Variants in ARFGEF1 observed in about 807,000 individuals in gnomAD.
ARFGEF1 encodes brefeldin A-inhibited guanine nucleotide-exchange protein 1.
In ARFGEF1, 42 loss-of-function variants were observed where a neutral mutation model predicts 231.0. That is an observed-to-expected ratio of 0.18 (90% CI 0.14 to 0.24). The LOEUF (loss-of-function observed/expected upper bound fraction) is 0.24, where lower values mean the gene tolerates loss of function less well. Ranked by LOEUF, ARFGEF1 falls within the 10% of genes least tolerant of loss-of-function variation. The pLI is 1.00. For missense variants in ARFGEF1, 1,345 were observed against 2,192.0 expected, an observed-to-expected ratio of 0.61 and a Z score of 7.72; for synonymous variants, 710 against 732.3, an observed-to-expected ratio of 0.97 and a Z score of 0.49.
intron 19 of ARFGEF1, among the ~76,000 whole-genome samples, chr8:67,249,922 G>A (rs996739054): frequency 1.3e-5 from 2 of 152,180 alleles, no homozygotes; most frequent in South Asian, 4.1e-4. Context: ...GTGCCTAGCT[G>A]AGAGGGTGAT....
intron 14 of ARFGEF1, among the ~76,000 whole-genome samples, chr8:67,263,112 T>C (rs1014515308): frequency 2.0e-5 from 3 of 152,196 alleles, no homozygotes; most frequent in Non-Finnish European, 4.4e-5. Flanking sequence ...TCTGCTCCCA[T>C]ATATCATATC....
At position 67,343,368 on chromosome 8, in the gene ARFGEF1, G is replaced by T; in HGVS notation, c.-81C>A. The T allele has an allele frequency of 6.8e-7, 1 of 1,466,246 alleles. No homozygotes were observed. Among genetic ancestry groups the T allele is most frequent in the Non-Finnish European group, 9.2e-7 (1 of 1,092,746 alleles). The allele number at this position is 1,466,246 out of a possible 1,614,324, so 90.8% of individuals were successfully genotyped here. On this transcript the variant is annotated 5_prime_UTR_variant, in exon 1 of 39. Transcript: ENST00000262215. ...GGGAGGAGGAGGAGAGGAAGGAAGA[G>T]AAGAGAGAAAGGAGAGGGGGTGGAG...
chr8:67,290,455 T>C (rs181048119), intron 6 of ARFGEF1, among the ~76,000 whole-genome samples: 5 of 152,346 alleles, frequency 3.3e-5, no homozygotes, highest in African/African-American at 4.8e-5. Context: ...TTCCTAACTC[T>C]TCTCAGCAGA....
intron 5 of ARFGEF1, among the ~76,000 whole-genome samples, chr8:67,295,557 T>C (rs1806195830): frequency 1.3e-5 from 2 of 151,994 alleles, no homozygotes; most frequent in South Asian, 4.2e-4. Context: ...ACAAAATAAA[T>C]TATTAGTATC....
Position 67,321,098 on chromosome 8 carries a change from C to T in ARFGEF1, c.125-18632G>A, listed in dbSNP as rs191659477. On this transcript the variant is annotated intron_variant, in intron 1 of 38. Transcript: ENST00000262215. Reference sequence around the variant, plus strand: ...TTCCACATTTATGACATTCTTAAAACGACAGAGAACAGATCAGTGGTTGCC... The same window carrying T: ...TTCCACATTTATGACATTCTTAAAATGACAGAGAACAGATCAGTGGTTGCC... Among the ~76,000 whole-genome samples the T allele has an allele frequency of 9.5e-5, 14 of 147,248 alleles. No individual in the cohort carries two copies. The East Asian group carries it at 2.0e-3, about 21-fold the overall frequency.
chr8:67,252,164 C>T (rs920414171), intron 18 of ARFGEF1, among the ~76,000 whole-genome samples: 2 of 151,406 alleles, frequency 1.3e-5, no homozygotes, highest in African/African-American at 4.9e-5. Context: ...CCCAGCTACT[C>T]GGGAGGCTGA....
rs1563902346 is a variant in ARFGEF1, at chr8:67,302,905, T to TA, written c.125-440_125-439insT. On this transcript the variant is annotated intron_variant, in intron 1 of 38. Transcript: ENST00000262215. ...GCCTGGGCAACAAAGACCCCATCTCTTAAAAAAAAAAAAAAAAAAAAAAAA... is the reference window on the plus strand; with the variant it reads ...GCCTGGGCAACAAAGACCCCATCTCTATAAAAAAAAAAAAAAAAAAAAAAAA... Among the ~76,000 whole-genome samples the TA allele has an allele frequency of 2.5e-3, 253 of 100,248 alleles. 3 individuals are homozygous for TA. Among genetic ancestry groups the TA allele is most frequent in the African/African-American group, 9.5e-3 (246 of 25,880 alleles). The allele number at this position is 100,248 out of a possible 152,430, so 65.8% of individuals were successfully genotyped here.
chr8:67,274,362 T>C (rs1252892018), intron 9 of ARFGEF1, among the ~76,000 whole-genome samples: 1 of 151,914 alleles, frequency 6.6e-6, no homozygotes, highest in Non-Finnish European at 1.5e-5. Flanking sequence ...AAACTACATA[T>C]TCTTTTGGAA....
At chr8:67,216,924 A>G (rs1248217525) in intron 32 of ARFGEF1, among the ~76,000 whole-genome samples, 2 of 152,040 alleles carry the variant, frequency 1.3e-5, no homozygotes, top group African/African-American at 2.4e-5. Context: ...ACACTTTCTG[A>G]TAAGTTTTAA....
chr8:67,179,161 T>TTA (rs1832397119), intron 5 of ARFGEF1, among the ~76,000 whole-genome samples: 1 of 152,200 alleles, frequency 6.6e-6, no homozygotes, highest in South Asian at 2.1e-4. Flanking sequence ...GACATGTTGG[T>TTA]TATTATTCTG....
chr8:67,320,782 T>C (rs1470787645), intron 1 of ARFGEF1, among the ~76,000 whole-genome samples: 5 of 151,584 alleles, frequency 3.3e-5, no homozygotes, highest in Non-Finnish European at 4.4e-5. Context: ...GCCAACATGG[T>C]GAAACCCCGT....
intron 2 of ARFGEF1, 26 bp downstream of exon 2, chr8:67,302,410 T>C: frequency 1.3e-6 from 2 of 1,552,586 alleles, no homozygotes; most frequent in Non-Finnish European, 1.7e-6. Flanking sequence ...AAATTATTTT[T>C]ACTAAAGAAA....
chr8:67,232,965 G>T lies in ARFGEF1; in HGVS notation c.3290-20C>A. On this transcript the variant is annotated intron_variant, in intron 22 of 38. Transcript: ENST00000262215. ...CTCCAACTACCACACATAAAAAAAA[G>T]TCATTTCAGTTTGAAAATAATTCAG... is the stretch of plus-strand genomic sequence containing the variant. 1 of 1,568,836 alleles carries T rather than the reference G, an allele frequency of 6.4e-7. No homozygotes were observed. The highest frequency in any genetic ancestry group is 8.7e-7 in the Non-Finnish European group (1 of 1,146,062).
At chr8:67,176,824 C>A (rs530495591) in intron 5 of ARFGEF1, among the ~76,000 whole-genome samples, 10 of 152,086 alleles carry the variant, frequency 6.6e-5, no homozygotes, top group Admixed American at 5.9e-4. Context: ...GTAATCCCAG[C>A]GCTTTGGGAG....
At chr8:67,199,966 T>C in intron 38 of ARFGEF1, 3 of 283,692 alleles carry the variant, frequency 1.1e-5, no homozygotes, top group Non-Finnish European at 1.4e-5. Context: ...CTGGGTTACC[T>C]GGAACCACTA....
At chr8:67,181,805 T>C (rs1833122164) in intron 5 of ARFGEF1, among the ~76,000 whole-genome samples, 1 of 152,134 alleles carries the variant, frequency 6.6e-6, no homozygotes, top group Admixed American at 6.6e-5. Flanking sequence ...TAGAAACTCT[T>C]CATATGAAAC....
At chr8:67,337,812 T>C (rs542525115) in intron 1 of ARFGEF1, among the ~76,000 whole-genome samples, 6 of 152,308 alleles carry the variant, frequency 3.9e-5, no homozygotes, top group Non-Finnish European at 8.8e-5. Context: ...TCTGATGATA[T>C]AAGGTTGTTA....
intron 15 of ARFGEF1, among the ~76,000 whole-genome samples, chr8:67,259,268 C>T (rs2128890037): frequency 6.6e-6 from 1 of 152,300 alleles, no homozygotes; most frequent in East Asian, 1.9e-4. Flanking sequence ...ACTCTGTAGC[C>T]CACGCTGGAG....
chr8:67,266,731 T>C (rs990124441), intron 13 of ARFGEF1, 145 bp downstream of exon 13: 1 of 541,848 alleles, frequency 1.8e-6, no homozygotes, highest in Non-Finnish European at 3.1e-6. Context: ...ATTTTAAAGC[T>C]AGACATTTAA....
Sources: allele counts gnomAD v4.1 joint callset (sites outside exome capture counted in the v4.1 genomes callset), GRCh38; gene constraint gnomAD v4.1.1; transcripts MANE v1.5; gene names NCBI Gene and HGNC (gene_info 2026-07-23, HGNC 2026-07-21).